KIF11: variants seen among roughly 807,000 people sequenced by gnomAD.
KIF11 encodes the protein kinesin family member 11.
A neutral mutation model predicts 121.0 loss-of-function variants in KIF11; 9 were observed. The ratio of observed to expected loss-of-function variants is 0.07; its 90% CI spans 0.04 to 0.13. KIF11 has a LOEUF of 0.13. KIF11 is among the 10% of genes least tolerant of loss of function. The pLI, the probability that KIF11 is intolerant of heterozygous loss-of-function variation, is 1.00. For missense variants in KIF11, 846 were observed against 1,217.5 expected (o/e 0.69, Z 4.54); for synonymous variants, 408 against 421.0 (o/e 0.97, Z 0.38).
intron 13 of KIF11, among the ~76,000 whole-genome samples, chr10:92,633,348 A>G (rs1426692634): frequency 1.3e-5 from 2 of 151,784 alleles, no homozygotes; most frequent in Non-Finnish European, 2.9e-5. Flanking sequence ...TTTTAGTTAG[A>G]GATTAATTGT....
At chr10:92,593,512 C>G in intron 1 of KIF11, 60 bp downstream of exon 1, 1 of 1,460,862 alleles carries the variant, frequency 6.8e-7, no homozygotes, top group Non-Finnish European at 9.4e-7. Flanking sequence ...CCCCCTACTG[C>G]GCGGTCCAGG....
At chr10:92,594,870 G>T (rs938459169) in intron 1 of KIF11, among the ~76,000 whole-genome samples, 3 of 143,722 alleles carry the variant, frequency 2.1e-5, no homozygotes, top group Non-Finnish European at 3.0e-5. Flanking sequence ...TGTGTAAAGA[G>T]ATTTTTTTTT....
At chr10:92,633,080 A>G (rs1264670282) in intron 13 of KIF11, among the ~76,000 whole-genome samples, 1 of 151,702 alleles carries the variant, frequency 6.6e-6, no homozygotes, top group Non-Finnish European at 1.5e-5. Context: ...TGGGGGGGGC[A>G]TATATATCTT....
rs139284104 is a variant in KIF11, at chr10:92,621,161, A to C, written c.1129-224A>C. 1.2e-3 allele frequency among the ~76,000 whole-genome samples: 181 copies of C among 152,296 alleles called. 1 individual carries two copies. Among genetic ancestry groups the C allele is most frequent in the African/African-American group, 4.2e-3 (174 of 41,564 alleles). On this transcript the variant is annotated intron_variant, in intron 9 of 21. Transcript: ENST00000260731. ...ACTGGAGGTTGTGGTTTTTCTTGGG[A>C]AGTCCATATTTCTAGAATGAGTGTA... is the stretch of plus-strand genomic sequence containing the variant.
intron 1 of KIF11, among the ~76,000 whole-genome samples, chr10:92,596,618 T>C (rs1844299929): frequency 6.6e-6 from 1 of 152,150 alleles, no homozygotes; most frequent in Non-Finnish European, 1.5e-5. Context: ...TCCCTAATGA[T>C]TAATGATGTT....
chr10:92,641,714 A>G (rs531724968), intron 17 of KIF11, among the ~76,000 whole-genome samples: 113 of 152,280 alleles, frequency 7.4e-4, no homozygotes, highest in South Asian at 2.7e-3. Flanking sequence ...ATTTTCATCT[A>G]TTAATTCTTT....
chr10:92,609,563 G>T (rs1375466118), intron 6 of KIF11, 54 bp downstream of exon 6: 3 of 1,543,426 alleles, frequency 1.9e-6, no homozygotes, highest in Non-Finnish European at 2.6e-6. Flanking sequence ...GAAGAATTAG[G>T]AACTTGGAGA....
intron 6 of KIF11, among the ~76,000 whole-genome samples, chr10:92,609,800 G>A (rs1308434522): frequency 6.6e-6 from 1 of 152,024 alleles, no homozygotes; most frequent in Non-Finnish European, 1.5e-5. Context: ...GCAGTGGCGC[G>A]ATCTTGACTC....
intron 18 of KIF11, among the ~76,000 whole-genome samples, 168 bp downstream of exon 18, chr10:92,645,810 T>C (rs955960318): frequency 2.0e-5 from 3 of 152,226 alleles, no homozygotes; most frequent in African/African-American, 7.2e-5. Flanking sequence ...TTGTGCTTTG[T>C]TATATGTCTT....
Position 92,636,572 on chromosome 10 carries a change from C to T in KIF11, c.1876-612C>T, listed in dbSNP as rs191319487. ...CGGAGGTTGCAGTGAGCCAAGATCA[C>T]GCCATTGCACTCCAGCCTGGGCCAC... On this transcript the variant is annotated intron_variant, in intron 14 of 21. Coordinates refer to ENST00000260731, the MANE Select transcript of KIF11 (RefSeq NM_004523.4). Among the ~76,000 whole-genome samples the T allele has an allele frequency of 6.4e-3, 955 of 149,470 alleles. 4 individuals are homozygous for T. Among genetic ancestry groups the T allele is most frequent in the Non-Finnish European group, 0.01 (679 of 67,206 alleles).
intron 8 of KIF11, among the ~76,000 whole-genome samples, chr10:92,615,044 C>T (rs1271163428): frequency 1.3e-5 from 2 of 152,040 alleles, no homozygotes; most frequent in East Asian, 2.0e-4. Flanking sequence ...GATCCTCCTA[C>T]CTCAGCCTCC....
At chr10:92,651,807 T>C (rs182265701) in intron 21 of KIF11, among the ~76,000 whole-genome samples, 14 of 152,060 alleles carry the variant, frequency 9.2e-5, no homozygotes, top group Admixed American at 6.6e-5. Context: ...GAAATACAAC[T>C]TCCAAGTGAG....
chr10:92,609,568 T>C, intron 6 of KIF11, 59 bp downstream of exon 6: 2 of 1,535,198 alleles, frequency 1.3e-6, no homozygotes, highest in Non-Finnish European at 1.8e-6. Context: ...ATTAGGAACT[T>C]GGAGAAAGTC....
At chr10:92,648,162 C>G (rs542015059) in intron 18 of KIF11, 50 bp from the exon 19 acceptor site, 60 of 1,210,146 alleles carry the variant, frequency 5.0e-5, no homozygotes, top group Middle Eastern at 2.0e-4. Flanking sequence ...TTGAATAAAA[C>G]ACTGGCAACT....
chr10:92,623,619 T>C (rs1226413309), intron 10 of KIF11, among the ~76,000 whole-genome samples: 1 of 152,220 alleles, frequency 6.6e-6, no homozygotes, highest in African/African-American at 2.4e-5. Flanking sequence ...TGTCATAATG[T>C]ATTCCATGAA....
At chr10:92,636,798 C>A (rs1448177324) in intron 14 of KIF11, among the ~76,000 whole-genome samples, 1 of 151,652 alleles carries the variant, frequency 6.6e-6, no homozygotes, top group East Asian at 1.9e-4. Context: ...TTTGGGAGGC[C>A]ACGGGGGGCG....
chr10:92,633,880 TC>T, intron 14 of KIF11, 85 bp downstream of exon 14: 1 of 882,570 alleles, frequency 1.1e-6, no homozygotes. Flanking sequence ...ATTTGATAAG[TC>T]TTTATAAACA....
Position 92,649,930 on chromosome 10 carries a change from C to T in KIF11, c.2866C>T (p.Pro956Ser). Residue 956 changes from proline to serine, a missense_variant, in exon 20 of 22, where the codon CCT (proline) becomes TCT (serine). Transcript: ENST00000260731. Reference sequence around the variant, plus strand: ...CCTTGATCAGCTGAAAAGGAAACAGCCTGAGCTGTTAATGATGCTAAACTG... The same window carrying T: ...CCTTGATCAGCTGAAAAGGAAACAGTCTGAGCTGTTAATGATGCTAAACTG... ...HLLDQLKRKQ[P>S]ELLMMLNCSE... 6.2e-7 allele frequency: 1 copy of T among 1,613,306 alleles called. No homozygotes were observed. Among genetic ancestry groups the T allele is most frequent in the Non-Finnish European group, 8.5e-7 (1 of 1,179,374 alleles).
chr10:92,650,003 A>G lies in KIF11; in HGVS notation c.2922+17A>G, dbSNP rs1371007140. 1 of 1,576,494 alleles carries G rather than the reference A, an allele frequency of 6.3e-7. No homozygotes were observed. The highest frequency in any genetic ancestry group is 8.7e-7 in the Non-Finnish European group (1 of 1,150,000). On this transcript the variant is annotated intron_variant, in intron 20 of 21. Coordinates refer to ENST00000260731, the MANE Select transcript of KIF11 (RefSeq NM_004523.4). ...ACAATTCCGGTAAATTTAAAGGATCATATTTTATAATAGAACTCTTTTATG... is the reference window on the plus strand; with the variant it reads ...ACAATTCCGGTAAATTTAAAGGATCGTATTTTATAATAGAACTCTTTTATG...
Sources: gnomAD v4.1 joint callset for allele counts (sites outside exome capture counted in the v4.1 genomes callset) on GRCh38, gnomAD v4.1.1 for gene constraint, MANE v1.5 for transcripts, NCBI Gene and HGNC (gene_info 2026-07-23, HGNC 2026-07-21) for gene names.